SRD5A2: variants seen among roughly 807,000 people sequenced by gnomAD.
SRD5A2 encodes steroid 5 alpha-reductase 2, also known as 3-oxo-5-alpha-steroid 4-dehydrogenase 2.
A neutral mutation model predicts 27.4 loss-of-function variants in SRD5A2; 30 were observed. The observed-to-expected ratio is 1.10, with a 90% CI of 0.82 to 1.49. SRD5A2 has a LOEUF of 1.49. SRD5A2 is among the 40% of genes most tolerant of loss of function. The probability of loss-of-function intolerance (pLI) is 0.00; values close to 1 mark genes in which losing one functional copy is unlikely to be tolerated. For missense variants in SRD5A2, 348 were observed against 323.4 expected (o/e 1.08, Z -0.58); for synonymous variants, 141 against 133.6 (o/e 1.06, Z -0.38).
At chr2:31,623,108 C>G in the SRD5A2 span, among the ~76,000 whole-genome samples, 2 of 152,038 alleles carry the variant, frequency 1.3e-5, no homozygotes, top group African/African-American at 2.4e-5. Flanking sequence ...TCAAAGCTCT[C>G]GTCTCCTTTG....
chr2:31,555,097 C>T (rs1159887324), intron 1 of SRD5A2, among the ~76,000 whole-genome samples: 1 of 151,036 alleles, frequency 6.6e-6, no homozygotes, highest in Non-Finnish European at 1.5e-5. Context: ...TCTTCTGCTT[C>T]AAAATAACTC....
upstream of SRD5A2, among the ~76,000 whole-genome samples, chr2:31,585,591 T>G (rs1667163130): frequency 6.6e-6 from 1 of 152,080 alleles, no homozygotes; most frequent in Non-Finnish European, 1.5e-5. Flanking sequence ...AAAGACCCAG[T>G]CATGGCAGCG....
At chr2:31,541,675 A>G (rs1009718965) in intron 1 of SRD5A2, among the ~76,000 whole-genome samples, 6 of 152,192 alleles carry the variant, frequency 3.9e-5, no homozygotes, top group African/African-American at 1.4e-4. Context: ...AGAGGCACTG[A>G]AGAAGGTAAG....
At chr2:31,602,437 G>A in the SRD5A2 span, among the ~76,000 whole-genome samples, 2 of 152,032 alleles carry the variant, frequency 1.3e-5, no homozygotes, top group East Asian at 1.9e-4. Context: ...AGCATTCCAC[G>A]CTCATGGATA....
intron 1 of SRD5A2, among the ~76,000 whole-genome samples, chr2:31,574,343 C>A (rs1666912783): frequency 6.6e-6 from 1 of 152,232 alleles, no homozygotes; most frequent in African/African-American, 2.4e-5. Context: ...GCTTCAAGCT[C>A]CACTCTGCCC....
At chr2:31,569,605 A>C (rs980995209) in intron 1 of SRD5A2, among the ~76,000 whole-genome samples, 1 of 152,060 alleles carries the variant, frequency 6.6e-6, no homozygotes, top group Non-Finnish European at 1.5e-5. Flanking sequence ...AAGGCAGTTC[A>C]TTGGACAAAA....
the SRD5A2 span, among the ~76,000 whole-genome samples, chr2:31,593,680 T>C: frequency 3.9e-5 from 6 of 152,226 alleles, no homozygotes; most frequent in Non-Finnish European, 7.4e-5. Context: ...GACATCCAAA[T>C]ACAAGAAGTT....
chr2:31,603,786 C>T, the SRD5A2 span, among the ~76,000 whole-genome samples: 1 of 151,890 alleles, frequency 6.6e-6, no homozygotes, highest in Non-Finnish European at 1.5e-5. Flanking sequence ...AGCAAACTAA[C>T]ACAGGAACAG....
chr2:31,588,839 C>T, the SRD5A2 span, among the ~76,000 whole-genome samples: 4 of 152,038 alleles, frequency 2.6e-5, no homozygotes, highest in Non-Finnish European at 5.9e-5. Context: ...AACTATATCA[C>T]AAAATTGGAA....
the SRD5A2 span, among the ~76,000 whole-genome samples, chr2:31,607,554 G>C: frequency 3.3e-5 from 5 of 150,842 alleles, no homozygotes; most frequent in African/African-American, 1.2e-4. Context: ...ATATCATTCA[G>C]TAATGAAGGC....
chr2:31,630,059 C>A, the SRD5A2 span, among the ~76,000 whole-genome samples: 1 of 152,166 alleles, frequency 6.6e-6, no homozygotes, highest in Non-Finnish European at 1.5e-5. Flanking sequence ...CATTCCCCAC[C>A]ACCCTTGCCA....
In SRD5A2 at chr2:31,524,177, A is replaced by T. The variant is rs1035903976; in HGVS notation, c.*2019T>A. On this transcript the variant is annotated 3_prime_UTR_variant, in exon 5 of 5. Transcript: ENST00000622030. ...GGCCTGGATGTTTTACATGGTAGTA[A>T]AATAAAGGACTTAAGCAAGGTAGTT... 8.9e-6 allele frequency: 2 copies of T among 224,548 alleles called. No individual in the cohort carries two copies. Among genetic ancestry groups the T allele is most frequent in the Non-Finnish European group, 1.8e-5 (2 of 112,606 alleles). The allele number at this position is 224,548 out of a possible 1,614,324, so 13.9% of individuals were successfully genotyped here.
At chr2:31,531,525 G>A (rs1665907792) in intron 2 of SRD5A2, 53 bp from the exon 3 acceptor site, 1 of 1,212,662 alleles carries the variant, frequency 8.2e-7, no homozygotes, top group East Asian at 2.5e-5. Context: ...TCCAGATTGT[G>A]GTGCTTTTTT....
upstream of SRD5A2, among the ~76,000 whole-genome samples, chr2:31,581,995 CCTT>C (rs28382990): frequency 6.5e-3 from 984 of 152,272 alleles, 12 homozygotes; most frequent in African/African-American, 0.022. Flanking sequence ...GTTTCCCAAC[CCTT>C]CTTTTCTTCT....
At chr2:31,651,239 G>C in the SRD5A2 span, 2 of 152,102 alleles carry the variant, frequency 1.3e-5, no homozygotes, top group Non-Finnish European at 2.9e-5. Flanking sequence ...GATGCACAAA[G>C]ACCATTATGG....
chr2:31,526,379 T>A, intron 4 of SRD5A2, 117 bp from the exon 5 acceptor site: 1 of 694,664 alleles, frequency 1.4e-6, no homozygotes, highest in African/African-American at 1.8e-5. Flanking sequence ...GCCTGACTAT[T>A]TCGATGGTCA....
At chr2:31,562,510 T>A (rs1217968127) in intron 1 of SRD5A2, among the ~76,000 whole-genome samples, 1 of 152,198 alleles carries the variant, frequency 6.6e-6, no homozygotes, top group Non-Finnish European at 1.5e-5. Context: ...CCATTAACAA[T>A]CCCAAGTCTT....
At chr2:31,609,337 G>A in the SRD5A2 span, among the ~76,000 whole-genome samples, 1 of 151,676 alleles carries the variant, frequency 6.6e-6, no homozygotes, top group African/African-American at 2.4e-5. Flanking sequence ...AAAAACTGAA[G>A]GACTCACATT....
chr2:31,573,632 T>C (rs1485915385), intron 1 of SRD5A2, among the ~76,000 whole-genome samples: 5 of 152,184 alleles, frequency 3.3e-5, no homozygotes, highest in Non-Finnish European at 5.9e-5. Flanking sequence ...CATTAGAGCA[T>C]CACTGCAAGC....
Sources: allele counts gnomAD v4.1 joint callset (sites outside exome capture counted in the v4.1 genomes callset), GRCh38; gene constraint gnomAD v4.1.1; transcripts MANE v1.5; gene names NCBI Gene and HGNC (gene_info 2026-07-23, HGNC 2026-07-21).